Variants in MEGF11 observed in about 807,000 individuals in gnomAD.
The protein encoded by MEGF11 is multiple EGF like domains 11.
Under a neutral mutation model 146.6 loss-of-function variants are expected in MEGF11, and 126 were observed. The observed-to-expected ratio is 0.86, with a 90% CI of 0.74 to 1.00. MEGF11 has a LOEUF of 1.00. Ranked by LOEUF, MEGF11 falls within the 50% of genes least tolerant of loss-of-function variation. MEGF11 has a pLI of 0.00. For synonymous variants in MEGF11, 532 were observed against 583.4 expected (o/e 0.91, Z 1.27); for missense variants, 1,509 against 1,521.2 (o/e 0.99, Z 0.13).
chr15:66,073,429 C>T (rs760496752), intron 5 of MEGF11, among the ~76,000 whole-genome samples: 11 of 152,214 alleles, frequency 7.2e-5, no homozygotes, highest in Non-Finnish European at 1.3e-4. Flanking sequence ...ATTAGACCCA[C>T]CTCTTCACTC....
chr15:66,078,147 G>C (rs2140515017), intron 5 of MEGF11, among the ~76,000 whole-genome samples: 1 of 152,232 alleles, frequency 6.6e-6, no homozygotes, highest in East Asian at 1.9e-4. Flanking sequence ...AGTACCCTTG[G>C]GCCAGGTACT....
At chr15:65,972,672 A>G (rs2081331720) in intron 7 of MEGF11, among the ~76,000 whole-genome samples, 1 of 152,184 alleles carries the variant, frequency 6.6e-6, no homozygotes, top group South Asian at 2.1e-4. Flanking sequence ...TCCAGAGGAA[A>G]AAAATAATTT....
intron 5 of MEGF11, among the ~76,000 whole-genome samples, chr15:66,029,477 A>C (rs2083445789): frequency 6.6e-6 from 1 of 152,148 alleles, no homozygotes. Flanking sequence ...TGGCATAATT[A>C]TTAATAGCAC....
chr15:66,201,568 C>G (rs1417474890), intron 1 of MEGF11, among the ~76,000 whole-genome samples: 1 of 151,930 alleles, frequency 6.6e-6, no homozygotes, highest in African/African-American at 2.4e-5. Context: ...GAAAGTGTAA[C>G]AAAAGAACCA....
chr15:65,926,894 C>T (rs1260122799), intron 13 of MEGF11, among the ~76,000 whole-genome samples: 1 of 152,144 alleles, frequency 6.6e-6, no homozygotes, highest in Non-Finnish European at 1.5e-5. Context: ...AGGGTTGAGC[C>T]TTATTCTTTA....
intron 1 of MEGF11, among the ~76,000 whole-genome samples, chr15:66,227,948 A>C (rs1224876126): frequency 2.0e-5 from 3 of 152,120 alleles, no homozygotes; most frequent in Non-Finnish European, 2.9e-5. Context: ...GACACATGCC[A>C]GGGCATCTGG....
At chr15:66,050,404 C>T (rs2084402120) in intron 5 of MEGF11, among the ~76,000 whole-genome samples, 1 of 152,180 alleles carries the variant, frequency 6.6e-6, no homozygotes, top group Non-Finnish European at 1.5e-5. Context: ...CACATTTGAG[C>T]AAAGACCTGA....
At chr15:66,205,852 T>C (rs2091286225) in intron 1 of MEGF11, among the ~76,000 whole-genome samples, 2 of 152,222 alleles carry the variant, frequency 1.3e-5, no homozygotes, top group South Asian at 2.1e-4. Context: ...AATTAAGATA[T>C]AGAGTCTCAT....
chr15:66,063,896 CCTTA>C (rs1359732304), intron 5 of MEGF11, among the ~76,000 whole-genome samples: 1 of 152,166 alleles, frequency 6.6e-6, no homozygotes, highest in African/African-American at 2.4e-5. Flanking sequence ...GTATGACTAT[CCTTA>C]CTTTTTTCTA....
At chr15:66,146,719 G>A (rs1424196752) in intron 1 of MEGF11, among the ~76,000 whole-genome samples, 8 of 152,248 alleles carry the variant, frequency 5.3e-5, no homozygotes, top group South Asian at 2.1e-4. Context: ...TGTGGACAGC[G>A]GCCTGTGCGC....
chr15:66,182,433 C>T (rs538715677), intron 1 of MEGF11, among the ~76,000 whole-genome samples: 1 of 152,238 alleles, frequency 6.6e-6, no homozygotes, highest in Admixed American at 6.5e-5. Flanking sequence ...ACAGGGAAAT[C>T]ATTACCTGAT....
intron 5 of MEGF11, among the ~76,000 whole-genome samples, chr15:66,004,414 T>A (rs2082459310): frequency 1.1e-5 from 1 of 88,098 alleles, no homozygotes; most frequent in Non-Finnish European, 2.8e-5. Context: ...GGGCTTCAAG[T>A]ATTTTTGTAA....
intron 10 of MEGF11, among the ~76,000 whole-genome samples, chr15:65,931,969 C>T (rs376428109): frequency 5.3e-5 from 8 of 152,316 alleles, no homozygotes; most frequent in African/African-American, 1.9e-4. Context: ...TTGCTGGAAC[C>T]CAGGCTGGCT....
chr15:66,034,183 G>C (rs1431159964), intron 5 of MEGF11, among the ~76,000 whole-genome samples: 1 of 152,186 alleles, frequency 6.6e-6, no homozygotes, highest in Non-Finnish European at 1.5e-5. Flanking sequence ...CATTTTGGAA[G>C]TAGATAACTT....
intron 5 of MEGF11, among the ~76,000 whole-genome samples, chr15:65,990,367 G>T (rs180795763): frequency 6.6e-6 from 1 of 152,066 alleles, no homozygotes. Context: ...CCTGGGCAAC[G>T]TGGCAAAACC....
chr15:66,194,489 T>A (rs898429070), intron 1 of MEGF11, among the ~76,000 whole-genome samples: 19 of 152,016 alleles, frequency 1.2e-4, no homozygotes. Flanking sequence ...ACACCTCTAG[T>A]CCCAGATAGT....
Position 65,913,558 on chromosome 15 carries a change from T to A in MEGF11, c.2710+179A>T. ...AGAGCTAGGGACTCAGGAAACAATT[T>A]TCCCTTGGAACCCCAGATATCTTCT... On this transcript the variant is annotated intron_variant, in intron 20 of 25. Coordinates refer to ENST00000395614, the MANE Select transcript of MEGF11 (RefSeq NM_001385028.1). The A allele has an allele frequency of 6.4e-6, 4 of 628,342 alleles. No individual in the cohort carries two copies. The South Asian group carries it at 7.8e-5, about 12-fold the overall frequency. 38.9% of individuals were successfully genotyped at this position (628,342 alleles called of 1,614,324 possible). A position where few individuals can be genotyped will look rare whatever the true frequency, so the allele number is the denominator to read the frequency against.
At chr15:66,102,887 T>C (rs2086885676) in intron 4 of MEGF11, among the ~76,000 whole-genome samples, 1 of 152,248 alleles carries the variant, frequency 6.6e-6, no homozygotes, top group African/African-American at 2.4e-5. Context: ...GTTATCATGC[T>C]GTACTGGATA....
At chr15:66,115,064 C>T (rs1019262866) in intron 4 of MEGF11, among the ~76,000 whole-genome samples, 6 of 152,326 alleles carry the variant, frequency 3.9e-5, no homozygotes, top group South Asian at 2.1e-4. Flanking sequence ...CTTTCACGCC[C>T]GGGCCTGCTC....
Sources: gnomAD v4.1 joint callset for allele counts (sites outside exome capture counted in the v4.1 genomes callset) on GRCh38, gnomAD v4.1.1 for gene constraint, MANE v1.5 for transcripts, NCBI Gene and HGNC (gene_info 2026-07-23, HGNC 2026-07-21) for gene names.